PRKD1: variants seen among roughly 807,000 people sequenced by gnomAD.
PRKD1 encodes the protein protein kinase D1, also known as serine/threonine-protein kinase D1.
PRKD1 carries 63 observed loss-of-function variants against 95.9 expected under a neutral mutation model. The observed-to-expected ratio is 0.66, with a 90% CI of 0.54 to 0.81. The LOEUF is 0.81. Ranked by LOEUF, PRKD1 falls within the 30% of genes least tolerant of loss-of-function variation. The probability of loss-of-function intolerance (pLI) is 0.00; values close to 1 mark genes in which losing one functional copy is unlikely to be tolerated. For synonymous variants in PRKD1, 425 were observed against 423.1 expected, an observed-to-expected ratio of 1.00 and a Z score of -0.05; for missense variants, 1,048 against 1,165.3, an observed-to-expected ratio of 0.90 and a Z score of 1.47.
chr14:29,900,692 C>T (rs953725697), intron 1 of PRKD1, among the ~76,000 whole-genome samples: 13 of 152,096 alleles, frequency 8.5e-5, no homozygotes, highest in Non-Finnish European at 1.8e-4. Flanking sequence ...ATACAATTCT[C>T]TAAACAAGAC....
chr14:29,762,504 A>AT (rs1888043889), intron 1 of PRKD1, among the ~76,000 whole-genome samples: 1 of 152,198 alleles, frequency 6.6e-6, no homozygotes, highest in East Asian at 1.9e-4. Context: ...CAAGATTCTT[A>AT]TATGTCTCTC....
At chr14:29,632,660 A>G (rs1166884855) in intron 9 of PRKD1, among the ~76,000 whole-genome samples, 1 of 152,090 alleles carries the variant, frequency 6.6e-6, no homozygotes, top group Admixed American at 6.5e-5. Context: ...AACACTCCCC[A>G]GGGAAATTTA....
chr14:29,725,458 C>G, intron 2 of PRKD1, 78 bp downstream of exon 2: 2 of 1,511,890 alleles, frequency 1.3e-6, no homozygotes, highest in Non-Finnish European at 1.8e-6. Flanking sequence ...TTTATGTTTC[C>G]TTAAAAACAT....
intron 1 of PRKD1, among the ~76,000 whole-genome samples, chr14:29,852,462 T>C (rs1892345176): frequency 6.6e-6 from 1 of 151,108 alleles, no homozygotes. Flanking sequence ...TGAAGAAAAG[T>C]GAACAGAGCC....
At chr14:29,630,051 TTCTTGC>T (rs764762354) in intron 10 of PRKD1, among the ~76,000 whole-genome samples, 56 of 151,302 alleles carry the variant, frequency 3.7e-4, no homozygotes, top group South Asian at 1.5e-3. Flanking sequence ...CTTCTTTTTC[TTCTTGC>T]TCTTTCTCTT....
chr14:29,923,391 C>T (rs1009251991), intron 1 of PRKD1, among the ~76,000 whole-genome samples: 8 of 152,012 alleles, frequency 5.3e-5, no homozygotes, highest in Non-Finnish European at 1.2e-4. Context: ...TTTGTTGGTC[C>T]AGGTGAGTTG....
chr14:29,668,863 T>C (rs1012817645), intron 2 of PRKD1, among the ~76,000 whole-genome samples: 3 of 152,150 alleles, frequency 2.0e-5, no homozygotes, highest in Non-Finnish European at 4.4e-5. Context: ...AAGGTAGTTA[T>C]TATGCCAAAC....
intron 1 of PRKD1, among the ~76,000 whole-genome samples, chr14:29,742,550 C>T (rs1185329036): frequency 6.6e-6 from 1 of 152,004 alleles, no homozygotes; most frequent in East Asian, 1.9e-4. Flanking sequence ...TTTACAAAGA[C>T]TAAATCTAAA....
At chr14:29,815,949 G>C (rs1370354778) in intron 1 of PRKD1, among the ~76,000 whole-genome samples, 2 of 152,172 alleles carry the variant, frequency 1.3e-5, no homozygotes, top group East Asian at 3.9e-4. Flanking sequence ...GCCGGGCGCG[G>C]TGGCTCACAC....
In PRKD1 at chr14:29,751,088, C is replaced by T. The variant is rs1460738679; in HGVS notation, c.265-25414G>A. The T allele has an allele frequency of 2.0e-5, 3 of 152,228 alleles. No individual in the cohort carries two copies. In the South Asian group the frequency reaches 6.2e-4, roughly 32 times the overall value. 9.4% of individuals were successfully genotyped at this position (152,228 alleles called of 1,614,324 possible). A position where few individuals can be genotyped will look rare whatever the true frequency, so the allele number is the denominator to read the frequency against. Reference sequence around the variant, plus strand: ...GGTCAAGGTAATAACATGAACCAGGCTATGCAAATTAAACTCTGCTGTGTC... The same window carrying T: ...GGTCAAGGTAATAACATGAACCAGGTTATGCAAATTAAACTCTGCTGTGTC... On this transcript the variant is annotated intron_variant, in intron 1 of 17. Transcript: ENST00000331968.
At chr14:29,811,419 C>T (rs1172693643) in intron 1 of PRKD1, among the ~76,000 whole-genome samples, 1 of 152,200 alleles carries the variant, frequency 6.6e-6, no homozygotes, top group East Asian at 1.9e-4. Flanking sequence ...ACACACAACT[C>T]TACTGCTCGA....
intron 1 of PRKD1, among the ~76,000 whole-genome samples, chr14:29,739,363 C>T (rs1886883731): frequency 6.6e-6 from 1 of 152,042 alleles, no homozygotes; most frequent in Admixed American, 6.6e-5. Context: ...CTGCTTAGAC[C>T]TCTCTTTTTT....
At chr14:29,696,905 C>T (rs1419442056) in intron 2 of PRKD1, among the ~76,000 whole-genome samples, 1 of 152,052 alleles carries the variant, frequency 6.6e-6, no homozygotes, top group Non-Finnish European at 1.5e-5. Flanking sequence ...CTGTATTGAA[C>T]AGAGGAATTC....
In PRKD1 at chr14:29,874,398, C is replaced by G. The variant is rs542748879; in HGVS notation, c.264+52851G>C. Among the ~76,000 whole-genome samples, 5 of 152,238 alleles carry G rather than the reference C, an allele frequency of 3.3e-5. No homozygotes were observed. In the East Asian group the frequency reaches 9.7e-4, roughly 29 times the overall value. ...GTGGGAATGTAAATTAGTATGACCA[C>G]TACGGAAAACAGTATGAAGATTCCT... On this transcript the variant is annotated intron_variant, in intron 1 of 17. Coordinates refer to ENST00000331968, the MANE Select transcript of PRKD1 (RefSeq NM_002742.3).
rs148716613 is a variant in PRKD1, at chr14:29,669,501, C to T, written c.404-3293G>A. 4.3e-4 allele frequency among the ~76,000 whole-genome samples: 65 copies of T among 152,042 alleles called. No homozygotes were observed. The East Asian group carries it at 0.01, about 23-fold the overall frequency. On this transcript the variant is annotated intron_variant, in intron 2 of 17. Transcript: ENST00000331968. Reference sequence around the variant, plus strand: ...AATATTGAAAATAGTTTCTGGATACCACTCCTACACAAAATCACATACTTG... The same window carrying T: ...AATATTGAAAATAGTTTCTGGATACTACTCCTACACAAAATCACATACTTG...
intron 4 of PRKD1, among the ~76,000 whole-genome samples, chr14:29,655,076 T>C (rs1881757333): frequency 6.6e-6 from 1 of 152,228 alleles, no homozygotes; most frequent in African/African-American, 2.4e-5. Context: ...ATGCAATCTG[T>C]TCCCGACTGC....
intron 1 of PRKD1, among the ~76,000 whole-genome samples, chr14:29,886,948 A>T (rs1893728960): frequency 6.6e-6 from 1 of 152,206 alleles, no homozygotes; most frequent in Non-Finnish European, 1.5e-5. Flanking sequence ...TCATTTCAAC[A>T]CACAATGATT....
In PRKD1 at chr14:29,666,060, G is replaced by A. The variant is rs768250308; in HGVS notation, c.535+17C>T. The A allele has an allele frequency of 4.4e-5, 70 of 1,574,116 alleles. No homozygotes were observed. Among genetic ancestry groups the A allele is most frequent in the Non-Finnish European group, 5.8e-5 (67 of 1,152,388 alleles). On this transcript the variant is annotated intron_variant, in intron 3 of 17. Transcript: ENST00000331968. ...GAACAGCACACATTTAACTTGCATG[G>A]GAAGAAAATAACTTACCTTCACATT...
intron 2 of PRKD1, among the ~76,000 whole-genome samples, chr14:29,695,279 T>C (rs1484109733): frequency 6.7e-6 from 1 of 149,086 alleles, no homozygotes; most frequent in Non-Finnish European, 1.5e-5. Context: ...TATCTGTGAA[T>C]GAGGTGGAAA....
Sources: gnomAD v4.1 joint callset for allele counts (sites outside exome capture counted in the v4.1 genomes callset) on GRCh38, gnomAD v4.1.1 for gene constraint, MANE v1.5 for transcripts, NCBI Gene and HGNC (gene_info 2026-07-23, HGNC 2026-07-21) for gene names.